Variants in LAMA2 observed in about 807,000 individuals in gnomAD.
The protein encoded by LAMA2 is laminin subunit alpha 2.
LAMA2 carries 269 observed loss-of-function variants against 364.8 expected under a neutral mutation model. The observed-to-expected ratio is 0.74, with a 90% CI of 0.67 to 0.82. The LOEUF is 0.82. LAMA2 is among the 40% of genes least tolerant of loss of function. The pLI is 0.00. For missense variants in LAMA2, 3,807 were observed against 3,873.2 expected, an observed-to-expected ratio of 0.98 and a Z score of 0.45; for synonymous variants, 1,379 against 1,370.6, an observed-to-expected ratio of 1.01 and a Z score of -0.14.
chr6:129,183,041 T>C (rs142497454), intron 10 of LAMA2, among the ~76,000 whole-genome samples: 2 of 152,112 alleles, frequency 1.3e-5, no homozygotes, highest in African/African-American at 4.8e-5. Context: ...AACAATGATG[T>C]TAATGAATAT....
intron 46 of LAMA2, among the ~76,000 whole-genome samples, 172 bp downstream of exon 46, chr6:129,453,303 G>T (rs1267833797): frequency 6.6e-6 from 1 of 152,110 alleles, no homozygotes; most frequent in African/African-American, 2.4e-5. Context: ...GTCAAATTAA[G>T]TTAGAAGGCA....
intron 12 of LAMA2, among the ~76,000 whole-genome samples, chr6:129,218,882 T>G (rs557145350): frequency 1.3e-5 from 2 of 152,200 alleles, no homozygotes; most frequent in African/African-American, 2.4e-5. Context: ...CAGCTATTAT[T>G]TATTATTCAA....
intron 3 of LAMA2, among the ~76,000 whole-genome samples, chr6:129,078,873 T>C (rs1024932115): frequency 6.6e-6 from 1 of 152,226 alleles, no homozygotes; most frequent in Non-Finnish European, 1.5e-5. Flanking sequence ...GGGCACGTCA[T>C]ATAAGTGGAA....
chr6:129,465,342 T>G, intron 51 of LAMA2, 53 bp downstream of exon 51: 1 of 1,422,870 alleles, frequency 7.0e-7, no homozygotes, highest in Non-Finnish European at 9.9e-7. Flanking sequence ...AAATCCAAAG[T>G]GCACATGTAC....
intron 1 of LAMA2, among the ~76,000 whole-genome samples, chr6:128,921,713 T>TTA (rs1328311348): frequency 6.9e-6 from 1 of 144,834 alleles, no homozygotes; most frequent in African/African-American, 2.6e-5. Flanking sequence ...TTTTTTTTTT[T>TTA]ATTATTATTA....
At position 129,391,792 on chromosome 6, in the gene LAMA2, C is replaced by CATCTATCTATCT. The variant is rs10648375; in HGVS notation, c.5234+154_5234+165dup. The CATCTATCTATCT allele has an allele frequency of 4.4e-6, 3 of 681,526 alleles. No individual in the cohort carries two copies. In the African/African-American group the frequency reaches 5.5e-5, roughly 12 times the overall value. The allele number at this position is 681,526 out of a possible 1,614,324, so 42.2% of individuals were successfully genotyped here. A position where few individuals can be genotyped will look rare whatever the true frequency, so the allele number is the denominator to read the frequency against. ...TGGAGATATTTGCTATGTTATCTAT[C>CATCTATCTATCT]ATCTATCTATCTATCTATCTATCTA... On this transcript the variant is annotated intron_variant, in intron 36 of 64. Transcript: ENST00000421865.
At chr6:129,287,815 C>G (rs920452732) in intron 18 of LAMA2, 32 bp from the exon 19 acceptor site, 4 of 1,573,042 alleles carry the variant, frequency 2.5e-6, no homozygotes, top group South Asian at 2.2e-5. Context: ...GAGGTCCCCC[C>G]AAAGGCTCAC....
At chr6:129,051,369 G>T (rs1787997611) in intron 2 of LAMA2, among the ~76,000 whole-genome samples, 1 of 149,508 alleles carries the variant, frequency 6.7e-6, no homozygotes, top group African/African-American at 2.4e-5. Flanking sequence ...CTGGAGTGCA[G>T]TGGTGCGATC....
intron 10 of LAMA2, among the ~76,000 whole-genome samples, chr6:129,180,559 T>C (rs1280072613): frequency 1.3e-5 from 2 of 152,168 alleles, no homozygotes; most frequent in South Asian, 2.1e-4. Context: ...TTGTTTTTTG[T>C]TTTATAAATT....
chr6:129,225,347 G>A (rs1784177841), intron 12 of LAMA2, among the ~76,000 whole-genome samples: 1 of 152,148 alleles, frequency 6.6e-6, no homozygotes, highest in African/African-American at 2.4e-5. Context: ...GTTCTGCTCT[G>A]ATCTTAGTTA....
chr6:129,264,531 G>A (rs1002800725), intron 15 of LAMA2, among the ~76,000 whole-genome samples: 2 of 151,990 alleles, frequency 1.3e-5, no homozygotes, highest in South Asian at 2.1e-4. Context: ...TTTTTGGAAG[G>A]CGTCATAAAC....
At chr6:129,226,627 A>T (rs1784300311) in intron 12 of LAMA2, among the ~76,000 whole-genome samples, 1 of 151,880 alleles carries the variant, frequency 6.6e-6, no homozygotes, top group African/African-American at 2.4e-5. Context: ...CTGGGTTGAA[A>T]ATTCTTTTCT....
intron 3 of LAMA2, among the ~76,000 whole-genome samples, chr6:129,067,335 G>T (rs1467954373): frequency 1.3e-5 from 2 of 152,172 alleles, no homozygotes; most frequent in Admixed American, 6.5e-5. Flanking sequence ...CATTTGTTCA[G>T]TATCACAAGT....
chr6:129,516,069 C>T, intron 64 of LAMA2, 121 bp from the exon 65 acceptor site: 1 of 1,145,240 alleles, frequency 8.7e-7, no homozygotes, highest in East Asian at 2.3e-5. Context: ...AACAAAACCA[C>T]TAACTTTGCA....
intron 12 of LAMA2, among the ~76,000 whole-genome samples, chr6:129,216,105 A>G (rs570100769): frequency 4.9e-4 from 75 of 152,354 alleles, no homozygotes; most frequent in African/African-American, 1.8e-3. Context: ...ATTTCGTTTT[A>G]CAAATGATGG....
chr6:129,066,045 T>A (rs1219059145), intron 3 of LAMA2, among the ~76,000 whole-genome samples: 1 of 81,972 alleles, frequency 1.2e-5, no homozygotes, highest in Non-Finnish European at 2.7e-5. Context: ...CAGGTTTTTT[T>A]TTTTTTTTTT....
At chr6:128,960,302 T>A (rs1781397209) in intron 1 of LAMA2, among the ~76,000 whole-genome samples, 1 of 152,010 alleles carries the variant, frequency 6.6e-6, no homozygotes, top group Non-Finnish European at 1.5e-5. Flanking sequence ...CCCCTAGCTT[T>A]TTGTCTTTGG....
At chr6:128,966,449 A>C (rs757148888) in intron 1 of LAMA2, among the ~76,000 whole-genome samples, 9 of 152,088 alleles carry the variant, frequency 5.9e-5, no homozygotes, top group Non-Finnish European at 1.2e-4. Context: ...GTTTATACGC[A>C]GGTCCCTTAA....
rs72973246 is a variant in LAMA2, at chr6:129,250,328, A to T, written c.1884+115A>T. On this transcript the variant is annotated intron_variant, in intron 13 of 64. Coordinates refer to ENST00000421865, the MANE Select transcript of LAMA2 (RefSeq NM_000426.4). The stretch of plus-strand genomic sequence containing the variant: ...CTGACTTACAGGACTACTAAAAAAA[A>T]ATATACCTTAGGAGATTTTTGTGCC... The T allele has an allele frequency of 6.4e-3, 4,603 of 715,398 alleles. 31 individuals are homozygous for T. Among genetic ancestry groups the T allele is most frequent in the Non-Finnish European group, 9.8e-3 (3,887 of 395,048 alleles). The allele number at this position is 715,398 out of a possible 1,614,324, so 44.3% of individuals were successfully genotyped here.
Sources: gnomAD v4.1 joint callset for allele counts (sites outside exome capture counted in the v4.1 genomes callset) on GRCh38, gnomAD v4.1.1 for gene constraint, MANE v1.5 for transcripts, NCBI Gene and HGNC (gene_info 2026-07-23, HGNC 2026-07-21) for gene names.